The following NOTUM variants were observed in gnomAD, a reference collection of about 807,000 sequenced individuals.
The protein encoded by NOTUM is palmitoleoyl-protein carboxylesterase NOTUM.
In NOTUM, 36 loss-of-function variants were observed where a neutral mutation model predicts 65.5. The observed-to-expected ratio is 0.55, with a 90% CI of 0.42 to 0.73. NOTUM has a LOEUF of 0.73. Among genes scored for constraint, NOTUM ranks in the 30% least tolerant of loss-of-function variants. The probability of loss-of-function intolerance (pLI) is 0.00; values close to 1 mark genes in which losing one functional copy is unlikely to be tolerated. For missense variants in NOTUM, 659 were observed against 694.2 expected, an observed-to-expected ratio of 0.95 and a Z score of 0.57; for synonymous variants, 356 against 297.9, an observed-to-expected ratio of 1.20 and a Z score of -2.01.
intron 3 of NOTUM, 86 bp downstream of exon 3, chr17:81,959,385 G>C (rs530702601): frequency 9.7e-7 from 1 of 1,032,762 alleles, no homozygotes; most frequent in Non-Finnish European, 1.4e-6. Context: ...TGTGCGGGGT[G>C]GGGGCCTGGC....
At chr17:81,956,071 T>C (rs1247343015) in intron 8 of NOTUM, among the ~76,000 whole-genome samples, 1 of 152,194 alleles carries the variant, frequency 6.6e-6, no homozygotes, top group Non-Finnish European at 1.5e-5. Flanking sequence ...ACCAGCCTTT[T>C]TATAATCCAC....
rs995739158 is a variant in NOTUM, at chr17:81,953,045, G to A, written c.1407C>T (p.His469=). The A allele has an allele frequency of 1.9e-6, 3 of 1,613,886 alleles. No individual in the cohort carries two copies. Among genetic ancestry groups the A allele is most frequent in the Non-Finnish European group, 2.5e-6 (3 of 1,179,788 alleles). The change falls in exon 11 of 11, where the codon CAC becomes CAT. Residue 469 remains histidine, a synonymous_variant. Transcript: ENST00000409678. ...CCACCGTCTGCATGTCGAAGCCCAT[G>A]TGCATGAGGAACTGGGCCACGTTCA... ...QEMNVAQFLM[H]MGFDMQTVAQ...
At chr17:81,959,589 G>C (rs1297357098) in intron 2 of NOTUM, 23 bp from the exon 3 acceptor site, 1 of 1,547,322 alleles carries the variant, frequency 6.5e-7, no homozygotes, top group East Asian at 2.4e-5. Context: ...CCGCCGCTCA[G>C]GCCCGCGCGC....
At position 81,952,993 on chromosome 17, in the gene NOTUM, C is replaced by T. The variant is rs776125057; in HGVS notation, c.1459G>A (p.Glu487Lys). ...VAQPQGLEPSELLGMLSNGS is the reference protein window; with the variant it reads ...VAQPQGLEPSKLLGMLSNGS ...CCGTTGCTCAGCATCCCCAGCAGCT[C>T]ACTGGGCTCCAGTCCCTGCGGCTGG... The change falls in exon 11 of 11, where the codon GAG (glutamate) becomes AAG (lysine). Residue 487 changes from glutamate (E) to lysine (K), a missense_variant. Transcript: ENST00000409678. The T allele has an allele frequency of 1.2e-6, 2 of 1,613,972 alleles. No homozygotes were observed. The highest frequency in any genetic ancestry group is 1.7e-6 in the Non-Finnish European group (2 of 1,179,986).
At position 81,952,873 on chromosome 17, in the gene NOTUM, G is replaced by A. The variant is rs1213050184; in HGVS notation, c.*88C>T. 3.3e-6 allele frequency: 4 copies of A among 1,210,228 alleles called. No homozygotes were observed. Among genetic ancestry groups the A allele is most frequent in the South Asian group, 1.3e-5 (1 of 75,634 alleles). The allele number at this position is 1,210,228 out of a possible 1,614,324, so 75.0% of individuals were successfully genotyped here. On this transcript the variant is annotated 3_prime_UTR_variant, in exon 11 of 11. Transcript: ENST00000409678. ...GGCTGGGGCCCTGTCCCGAAGAGAC[G>A]GGAGGGCCTGCTGGTGGGGGGTGAG... is the stretch of plus-strand genomic sequence containing the variant.
chr17:81,958,290 G>A (rs540663071), intron 5 of NOTUM, 45 bp downstream of exon 5: 28 of 1,355,804 alleles, frequency 2.1e-5, no homozygotes, highest in Middle Eastern at 3.6e-4. Flanking sequence ...CCTGCCATCC[G>A]GCCCCGTCCC....
chr17:81,958,057 G>A, intron 5 of NOTUM, 149 bp from the exon 6 acceptor site: 1 of 663,956 alleles, frequency 1.5e-6, no homozygotes, highest in Non-Finnish European at 2.7e-6. Flanking sequence ...TGGACTGGAG[G>A]AAGGCGGGTG....
At chr17:81,957,199 G>A in intron 6 of NOTUM, 125 bp from the exon 7 acceptor site, 1 of 725,594 alleles carries the variant, frequency 1.4e-6, no homozygotes, top group Non-Finnish European at 2.2e-6. Context: ...AACTGCGGAT[G>A]CATTCTGCAT....
intron 7 of NOTUM, 58 bp from the exon 8 acceptor site, chr17:81,956,808 C>A: frequency 6.3e-7 from 1 of 1,590,738 alleles, no homozygotes. Flanking sequence ...GGCTCCCCAC[C>A]CACAGATGCC....
rs753584133 is a variant in NOTUM, at chr17:81,960,766, G to T, written c.144C>A (p.Pro48=). The change falls in exon 1 of 11, where the codon CCC becomes CCA. Residue 48 remains proline (P), a synonymous_variant. Transcript: ENST00000409678. The surrounding 1 kb of genome is among the most constrained non-coding windows in gnomAD (Gnocchi z 6.4). ...TGAAGTCCAGCGGGAAGCTCTCCACGGGCTGTCCGGCCGCCGGCGCCGCCT... is the reference window on the plus strand; with the variant it reads ...TGAAGTCCAGCGGGAAGCTCTCCACTGGCTGTCCGGCCGCCGGCGCCGCCT... ...RTEAAPAAGQ[P]VESFPLDFTA... 4.4e-6 allele frequency: 7 copies of T among 1,580,702 alleles called. No individual in the cohort carries two copies. The highest frequency in any genetic ancestry group is 6.0e-6 in the Non-Finnish European group (7 of 1,164,210).
intron 5 of NOTUM, 74 bp from the exon 6 acceptor site, chr17:81,957,982 C>A: frequency 8.7e-7 from 1 of 1,144,588 alleles, no homozygotes; most frequent in Non-Finnish European, 1.3e-6. Context: ...GAATGGCTGG[C>A]AGAGAAGTTC....
At position 81,955,391 on chromosome 17, in the gene NOTUM, A is replaced by G. The variant is rs1312484242; in HGVS notation, c.1136+6T>C. Reference sequence around the variant, plus strand: ...GGCGTGGGGCTCCCGGGGCCCACACACTCACGGCACGTCCTTGAGTGTGTG... The same window carrying G: ...GGCGTGGGGCTCCCGGGGCCCACACGCTCACGGCACGTCCTTGAGTGTGTG... On this transcript the variant is annotated splice_donor_region_variant and intron_variant, in intron 9 of 10. Coordinates refer to ENST00000409678, the MANE Select transcript of NOTUM (RefSeq NM_178493.6). The G allele has an allele frequency of 6.4e-7, 1 of 1,564,432 alleles. No homozygotes were observed. The highest frequency in any genetic ancestry group is 8.7e-7 in the Non-Finnish European group (1 of 1,152,190).
Position 81,956,740 on chromosome 17 carries a change from C to T in NOTUM, c.898G>A (p.Gly300Arg). 4 of 1,612,490 alleles carry T rather than the reference C, an allele frequency of 2.5e-6. No homozygotes were observed. The highest frequency in any genetic ancestry group is 3.4e-6 in the Non-Finnish European group (4 of 1,179,664). Residue 300 changes from glycine to arginine, a missense_variant, in exon 8 of 11, where the codon GGG (glycine) becomes AGG (arginine). Transcript: ENST00000409678. ...AIRRGIRYWN[G>R]VVPERCRRQF... ...CGTCGGCAGCGCTCCGGGACCACCC[C>T]GTTCCAGTACCTGGAGCCACAGCCA...
chr17:81,960,192 C>T lies in NOTUM; in HGVS notation c.323+395G>A, dbSNP rs112538686. Among the ~76,000 whole-genome samples, 11,383 of 152,202 alleles carry T rather than the reference C, an allele frequency of 0.075. 489 individuals are homozygous for T. Among genetic ancestry groups the T allele is most frequent in the South Asian group, 0.16 (789 of 4,832 alleles). On this transcript the variant is annotated intron_variant, in intron 1 of 10. Coordinates refer to ENST00000409678, the MANE Select transcript of NOTUM (RefSeq NM_178493.6). The surrounding 1 kb of genome is among the most constrained non-coding windows in gnomAD (Gnocchi z 6.4). ...GCGCGTGGGCGGCCCCGCCGCTCCC[C>T]GACCCCCGACCTCACGTCTTTTATC...
rs1454117876 is a variant in NOTUM at position 81,960,991 on chromosome 17, C to CG, written c.-83dup. Reference sequence around the variant, plus strand: ...GGATGCCGGGCCGGGGGTGCCGGGCCGGGGGTGTCGGGGGCACTGGCCGCT... The same window carrying CG: ...GGATGCCGGGCCGGGGGTGCCGGGCCGGGGGGTGTCGGGGGCACTGGCCGCT... On this transcript the variant is annotated 5_prime_UTR_variant, in exon 1 of 11. Transcript: ENST00000409678. This position sits in a 1 kb window ranked among gnomAD's most constrained non-coding sequence, Gnocchi z 6.4. The CG allele has an allele frequency of 1.8e-5, 12 of 667,000 alleles. No homozygotes were observed. The highest frequency in any genetic ancestry group is 5.9e-5 in the African/African-American group (3 of 50,454). 41.3% of individuals were successfully genotyped at this position (667,000 alleles called of 1,614,324 possible).
intron 6 of NOTUM, among the ~76,000 whole-genome samples, chr17:81,957,309 C>T (rs140170054): frequency 6.6e-6 from 1 of 152,194 alleles, no homozygotes; most frequent in African/African-American, 2.4e-5. Flanking sequence ...CTCTCCCCTT[C>T]CTCCTCCCCT....
At chr17:81,954,548 G>A (rs538291804) in intron 9 of NOTUM, among the ~76,000 whole-genome samples, 20 of 152,348 alleles carry the variant, frequency 1.3e-4, no homozygotes, top group Admixed American at 3.9e-4. Flanking sequence ...GATGGCAAGA[G>A]GCTGCCCTAG....
chr17:81,953,992 G>A (rs1598366823), intron 10 of NOTUM, among the ~76,000 whole-genome samples: 1 of 151,690 alleles, frequency 6.6e-6, no homozygotes, highest in Non-Finnish European at 1.5e-5. Context: ...TGGCCAGGCT[G>A]GTGTCGAACT....
At chr17:81,958,737 C>A (rs954082611) in intron 4 of NOTUM, among the ~76,000 whole-genome samples, 198 bp downstream of exon 4, 3 of 152,044 alleles carry the variant, frequency 2.0e-5, no homozygotes, top group African/African-American at 4.8e-5. Flanking sequence ...CAGGAAGGAC[C>A]ATCCCAGGAC....
Sources: gnomAD v4.1 joint callset for allele counts (sites outside exome capture counted in the v4.1 genomes callset) on GRCh38, gnomAD v4.1.1 for gene constraint, Gnocchi (gnomAD v3.1) non-coding constraint, MANE v1.5 for transcripts, NCBI Gene and HGNC (gene_info 2026-07-23, HGNC 2026-07-21) for gene names.